BAIAP2L1: variants seen among roughly 807,000 people sequenced by gnomAD.
The protein encoded by BAIAP2L1 is BAR/IMD domain-containing adapter protein 2-like 1.
Under a neutral mutation model 66.3 loss-of-function variants are expected in BAIAP2L1, and 35 were observed. The observed-to-expected ratio is 0.53, with a 90% CI of 0.40 to 0.70. The LOEUF (loss-of-function observed/expected upper bound fraction) is 0.70, where lower values mean the gene tolerates loss of function less well. BAIAP2L1 is among the 30% of genes least tolerant of loss of function. The probability of loss-of-function intolerance (pLI) is 0.00; values close to 1 mark genes in which losing one functional copy is unlikely to be tolerated. For synonymous variants in BAIAP2L1, 269 were observed against 248.7 expected, an observed-to-expected ratio of 1.08 and a Z score of -0.77; for missense variants, 622 against 656.9, an observed-to-expected ratio of 0.95 and a Z score of 0.58.
intron 1 of BAIAP2L1, among the ~76,000 whole-genome samples, chr7:98,369,472 T>C (rs527301174): frequency 6.6e-6 from 1 of 152,144 alleles, no homozygotes; most frequent in South Asian, 2.1e-4. Context: ...AGCGAGACCC[T>C]GTCTTGAAAA....
intron 3 of BAIAP2L1, among the ~76,000 whole-genome samples, 179 bp downstream of exon 3, chr7:98,354,863 G>C (rs1052853118): frequency 6.6e-6 from 1 of 152,118 alleles, no homozygotes. Flanking sequence ...CTCGCCCTCC[G>C]GCACCAGTCC....
chr7:98,398,360 A>G (rs771306215), intron 1 of BAIAP2L1, among the ~76,000 whole-genome samples: 39 of 152,118 alleles, frequency 2.6e-4, no homozygotes, highest in Non-Finnish European at 4.6e-4. Context: ...CAGACTCCTG[A>G]ATTAAAATTT....
At chr7:98,369,632 C>G (rs1314413183) in intron 1 of BAIAP2L1, among the ~76,000 whole-genome samples, 3 of 149,072 alleles carry the variant, frequency 2.0e-5, no homozygotes, top group African/African-American at 4.9e-5. Context: ...TCTCCAAATA[C>G]AATAGGAGGA....
chr7:98,376,447 G>A (rs1802631916), intron 1 of BAIAP2L1, among the ~76,000 whole-genome samples: 1 of 151,954 alleles, frequency 6.6e-6, no homozygotes, highest in South Asian at 2.1e-4. Flanking sequence ...AGAGGTCGAG[G>A]TCACAGCGAG....
chr7:98,324,271 C>T (rs747267460), intron 3 of BAIAP2L1, among the ~76,000 whole-genome samples: 2 of 152,208 alleles, frequency 1.3e-5, no homozygotes, highest in African/African-American at 2.4e-5. Context: ...CTCAACATAA[C>T]TCGAAGACAT....
chr7:98,387,703 GAAA>G (rs3062634), intron 1 of BAIAP2L1, among the ~76,000 whole-genome samples: 1 of 145,438 alleles, frequency 6.9e-6, no homozygotes, highest in South Asian at 2.2e-4. Context: ...GTCTCTACAA[GAAA>G]AAAAAAAAAA....
intron 2 of BAIAP2L1, among the ~76,000 whole-genome samples, chr7:98,357,054 T>A (rs1048476986): frequency 0.089 from 3,491 of 39,382 alleles, 118 homozygotes; most frequent in Non-Finnish European, 0.13. Flanking sequence ...TATATATTTT[T>A]TTTTTTTTTT....
chr7:98,372,819 C>T (rs1408231620), intron 1 of BAIAP2L1, among the ~76,000 whole-genome samples: 1 of 146,100 alleles, frequency 6.8e-6, no homozygotes, highest in African/African-American at 2.5e-5. Flanking sequence ...GATCTCGGCT[C>T]ACTGCAACCT....
chr7:98,310,702 T>TTA, intron 8 of BAIAP2L1, 110 bp from the exon 9 acceptor site: 22 of 924,156 alleles, frequency 2.4e-5, no homozygotes, highest in Admixed American at 4.0e-5. Flanking sequence ...ATTTATTTAT[T>TTA]TTGAGACAGA....
intron 3 of BAIAP2L1, among the ~76,000 whole-genome samples, chr7:98,342,681 G>T (rs1328034078): frequency 6.6e-6 from 1 of 152,040 alleles, no homozygotes; most frequent in African/African-American, 2.4e-5. Context: ...ACTCCCCAAA[G>T]AAAGTCTTAT....
chr7:98,299,394 A>G (rs567524283), intron 12 of BAIAP2L1, among the ~76,000 whole-genome samples: 16 of 151,184 alleles, frequency 1.1e-4, no homozygotes, highest in Admixed American at 7.9e-4. Flanking sequence ...CTAGGCTCAA[A>G]TGATCCTCCC....
intron 8 of BAIAP2L1, 32 bp from the exon 9 acceptor site, chr7:98,310,624 G>A: frequency 2.0e-6 from 3 of 1,506,710 alleles, no homozygotes; most frequent in Non-Finnish European, 2.7e-6. Context: ...TCCAATATTA[G>A]TATAGTGCAG....
chr7:98,366,274 G>A (rs569239063), intron 1 of BAIAP2L1, among the ~76,000 whole-genome samples: 136 of 152,266 alleles, frequency 8.9e-4, no homozygotes, highest in African/African-American at 3.0e-3. Context: ...TCCAAGTCTA[G>A]AGCACCTCAG....
In BAIAP2L1 at chr7:98,293,004, T is replaced by TG; in HGVS notation, c.*516_*517insC. ...TCTCTGGAAGCTCTACACTTAAACA[T>TG]TTTAAGTTAAATTACATTTATATAG... On this transcript the variant is annotated 3_prime_UTR_variant, in exon 14 of 14. Coordinates refer to ENST00000005260, the MANE Select transcript of BAIAP2L1 (RefSeq NM_018842.5). 2.7e-6 allele frequency: 3 copies of TG among 1,100,116 alleles called. No individual in the cohort carries two copies. Among genetic ancestry groups the TG allele is most frequent in the Non-Finnish European group, 3.4e-6 (3 of 892,580 alleles). The allele number at this position is 1,100,116 out of a possible 1,614,324, so 68.1% of individuals were successfully genotyped here. A position where few individuals can be genotyped will look rare whatever the true frequency, so the allele number is the denominator to read the frequency against.
Position 98,292,648 on chromosome 7 carries a change from G to A in BAIAP2L1, c.*873C>T. On this transcript the variant is annotated 3_prime_UTR_variant, in exon 14 of 14. Coordinates refer to ENST00000005260, the MANE Select transcript of BAIAP2L1 (RefSeq NM_018842.5). ...ACCCGCCCTTCTCCAGGCACCAGAGGTCATCCTGGCTTTACACGTATCCTT... is the reference window on the plus strand; with the variant it reads ...ACCCGCCCTTCTCCAGGCACCAGAGATCATCCTGGCTTTACACGTATCCTT... 6.4e-7 allele frequency: 1 copy of A among 1,551,668 alleles called. No homozygotes were observed. The highest frequency in any genetic ancestry group is 2.4e-5 in the East Asian group (1 of 40,926).
intron 1 of BAIAP2L1, among the ~76,000 whole-genome samples, chr7:98,388,845 G>A (rs1003731150): frequency 6.6e-6 from 1 of 151,794 alleles, no homozygotes; most frequent in Non-Finnish European, 1.5e-5. Flanking sequence ...TTGGCGGCAC[G>A]TGCCTGTAGT....
intron 3 of BAIAP2L1, among the ~76,000 whole-genome samples, chr7:98,351,247 CA>C (rs943970833): frequency 6.6e-6 from 1 of 152,150 alleles, no homozygotes; most frequent in Non-Finnish European, 1.5e-5. Flanking sequence ...CTCAGACACA[CA>C]AAAAACGCGG....
In BAIAP2L1 at chr7:98,355,290, C is replaced by A. The variant is rs1003565175; in HGVS notation, c.128-162G>T. The A allele has an allele frequency of 1.4e-5, 9 of 626,106 alleles. No individual in the cohort carries two copies. The Admixed American group carries it at 2.1e-4, about 15-fold the overall frequency. 38.8% of individuals were successfully genotyped at this position (626,106 alleles called of 1,614,324 possible). Reference sequence around the variant, plus strand: ...GGTAAGACCTGTGTTGAGAGTGGTGCCGGGGTGGAGGCCCTCCAGCCAAGG... The same window carrying A: ...GGTAAGACCTGTGTTGAGAGTGGTGACGGGGTGGAGGCCCTCCAGCCAAGG... On this transcript the variant is annotated intron_variant, in intron 2 of 13. Coordinates refer to ENST00000005260, the MANE Select transcript of BAIAP2L1 (RefSeq NM_018842.5).
chr7:98,351,972 T>C (rs930024173), intron 3 of BAIAP2L1, among the ~76,000 whole-genome samples: 2 of 152,188 alleles, frequency 1.3e-5, no homozygotes, highest in Non-Finnish European at 2.9e-5. Flanking sequence ...TTTTCTCATA[T>C]GAGAGTTATA....
Sources: gnomAD v4.1 joint callset for allele counts (sites outside exome capture counted in the v4.1 genomes callset) on GRCh38, gnomAD v4.1.1 for gene constraint, MANE v1.5 for transcripts, NCBI Gene and HGNC (gene_info 2026-07-23, HGNC 2026-07-21) for gene names.